The following GLB1 variants were observed in gnomAD, a reference collection of about 807,000 sequenced individuals.
GLB1 encodes the protein beta-galactosidase.
In GLB1, 56 loss-of-function variants were observed where a neutral mutation model predicts 74.0. The ratio of observed to expected loss-of-function variants is 0.76; its 90% CI spans 0.61 to 0.94. The LOEUF (loss-of-function observed/expected upper bound fraction) is 0.94. GLB1 is among the 40% of genes least tolerant of loss of function. The pLI, the probability that GLB1 is intolerant of heterozygous loss-of-function variation, is 0.00. For synonymous variants in GLB1, 323 were observed against 323.6 expected (o/e 1.00, Z 0.02); for missense variants, 787 against 845.5 (o/e 0.93, Z 0.86).
chr3:33,070,591 C>T (rs1313475195), intron 2 of GLB1, among the ~76,000 whole-genome samples: 3 of 152,194 alleles, frequency 2.0e-5, no homozygotes, highest in African/African-American at 7.2e-5. Flanking sequence ...CTTCTGTAAT[C>T]CCTGCACTCT....
In GLB1 at chr3:33,018,496, AGAGAGAGGTGCTGGGTTGCT is replaced by A; in HGVS notation, c.1279_1298del (p.Ser427PhefsTer23). On this transcript the variant is annotated frameshift_variant, in exon 13 of 16. Coordinates refer to ENST00000307363, the MANE Select transcript of GLB1 (RefSeq NM_000404.4). LOFTEE classifies it high-confidence loss of function. Reference sequence around the variant, plus strand: ...GATCGTGGACTCCATTGAGGGGTGAAGAGAGAGGTGCTGGGTTGCTGCAATCTTGAGGAAGTGTTGTCCGG... The same window carrying A: ...GATCGTGGACTCCATTGAGGGGTGAAGCAATCTTGAGGAAGTGTTGTCCGG... The A allele has an allele frequency of 6.2e-7, 1 of 1,614,024 alleles. No individual in the cohort carries two copies. The highest frequency in any genetic ancestry group is 8.5e-7 in the Non-Finnish European group (1 of 1,179,992).
chr3:33,014,049 C>T lies in GLB1; in HGVS notation c.1734+7G>A. 1 of 1,614,210 alleles carries T rather than the reference C, an allele frequency of 6.2e-7. No homozygotes were observed. The highest frequency in any genetic ancestry group is 1.6e-4 in the Middle Eastern group (1 of 6,062). ...TGAATTCAAACCCTTCCCATGAAGA[C>T]ACGTACCTTGGTCCATCCAGGAAAC... On this transcript the variant is annotated splice_region_variant and intron_variant, in intron 15 of 15. Transcript: ENST00000307363.
chr3:32,982,284 G>T, the GLB1 span, among the ~76,000 whole-genome samples: 1 of 144,408 alleles, frequency 6.9e-6, no homozygotes, highest in African/African-American at 2.6e-5. Context: ...TTGCACTCCA[G>T]CCTGGGCAAC....
chr3:33,042,104 T>C (rs1698525128), intron 10 of GLB1, among the ~76,000 whole-genome samples: 1 of 152,174 alleles, frequency 6.6e-6, no homozygotes, highest in African/African-American at 2.4e-5. Context: ...TAGTTCCTAC[T>C]ACCTTCATAA....
intron 1 of GLB1, among the ~76,000 whole-genome samples, chr3:33,078,931 A>G (rs1700225502): frequency 6.6e-6 from 1 of 151,864 alleles, no homozygotes; most frequent in Non-Finnish European, 1.5e-5. Flanking sequence ...GCAGTCTTGA[A>G]CTCCTGGGTT....
chr3:33,062,953 G>A (rs961789256), intron 5 of GLB1, among the ~76,000 whole-genome samples: 1 of 152,196 alleles, frequency 6.6e-6, no homozygotes, highest in African/African-American at 2.4e-5. Context: ...AGGCGTGGAA[G>A]GCCAGGAGAC....
At chr3:33,069,522 A>AT (rs1699816434) in intron 2 of GLB1, among the ~76,000 whole-genome samples, 1 of 152,130 alleles carries the variant, frequency 6.6e-6, no homozygotes, top group Non-Finnish European at 1.5e-5. Flanking sequence ...TCCAGGGGAG[A>AT]TATTTTGTTT....
At position 33,014,149 on chromosome 3, in the gene GLB1, C is replaced by A. The variant is rs370546368; in HGVS notation, c.1641G>T (p.Thr547=). 1.2e-6 allele frequency: 2 copies of A among 1,614,122 alleles called. No individual in the cohort carries two copies. Among genetic ancestry groups the A allele is most frequent in the Non-Finnish European group, 1.7e-6 (2 of 1,180,034 alleles). Residue 547 remains threonine (T), a synonymous_variant, in exon 15 of 16, where the codon ACG becomes ACT. Coordinates refer to ENST00000307363, the MANE Select transcript of GLB1 (RefSeq NM_000404.4). The stretch of plus-strand genomic sequence containing the variant: ...AGTTCCCCATATAAAAGGCCGGGAG[C>A]GTGTAGTTGGATGAGTTGTGGGCCC... ...EAWAHNSSNY[T]LPAFYMGNFS... is the part of the protein sequence containing the mutation.
chr3:33,001,843 T>C (rs950877050), intron 15 of GLB1, among the ~76,000 whole-genome samples: 1 of 152,220 alleles, frequency 6.6e-6, no homozygotes, highest in African/African-American at 2.4e-5. Context: ...TTTTAAAGAA[T>C]ATTGTTCACT....
the GLB1 span, among the ~76,000 whole-genome samples, chr3:32,989,028 C>A: frequency 6.6e-6 from 1 of 152,166 alleles, no homozygotes; most frequent in Non-Finnish European, 1.5e-5. Context: ...AGCACAGTGA[C>A]CTCTGGTCCA....
At chr3:32,969,986 TG>T in the GLB1 span, among the ~76,000 whole-genome samples, 1 of 152,198 alleles carries the variant, frequency 6.6e-6, no homozygotes, top group Non-Finnish European at 1.5e-5. Context: ...TATCAGTACA[TG>T]TTGGTGTTCA....
intron 2 of GLB1, 68 bp downstream of exon 2, chr3:33,072,476 T>C (rs1699919960): frequency 1.9e-6 from 3 of 1,604,918 alleles, no homozygotes; most frequent in African/African-American, 1.3e-5. Context: ...CCCTGAGAAA[T>C]ACAGTTGTAT....
At chr3:33,004,438 A>G (rs778278045) in intron 15 of GLB1, among the ~76,000 whole-genome samples, 4 of 152,250 alleles carry the variant, frequency 2.6e-5, no homozygotes, top group African/African-American at 4.8e-5. Context: ...ACTGATACAC[A>G]TCTCCATGGT....
intron 15 of GLB1, among the ~76,000 whole-genome samples, chr3:32,999,630 A>T (rs897657624): frequency 1.3e-5 from 2 of 152,074 alleles, no homozygotes; most frequent in Admixed American, 1.3e-4. Flanking sequence ...CGTTGGTCAG[A>T]AGAGGCCCTT....
At position 33,065,226 on chromosome 3, in the gene GLB1, T is replaced by C. The variant is rs577301978; in HGVS notation, c.552+237A>G. Among the ~76,000 whole-genome samples the C allele has an allele frequency of 5.3e-5, 8 of 151,996 alleles. 1 individual carries two copies. In the East Asian group the frequency reaches 5.8e-4, roughly 11 times the overall value. On this transcript the variant is annotated intron_variant, in intron 5 of 15. Coordinates refer to ENST00000307363, the MANE Select transcript of GLB1 (RefSeq NM_000404.4). ...AAACTTCCTCACTGAAAAAAGAAGG[T>C]GGTTGGAAGAATTGAATAGCATTTA...
intron 7 of GLB1, among the ~76,000 whole-genome samples, chr3:33,053,027 T>G (rs143838511): frequency 6.6e-6 from 1 of 152,138 alleles, no homozygotes; most frequent in Non-Finnish European, 1.5e-5. Context: ...ACAACAAGAA[T>G]AGCAACTTCA....
At chr3:33,056,126 G>C (rs968510509) in intron 6 of GLB1, among the ~76,000 whole-genome samples, 2 of 150,244 alleles carry the variant, frequency 1.3e-5, no homozygotes, top group African/African-American at 4.9e-5. Context: ...TACTTGGGAG[G>C]CTGAGGTAGG....
the GLB1 span, among the ~76,000 whole-genome samples, chr3:32,962,809 C>G: frequency 6.6e-6 from 1 of 151,758 alleles, no homozygotes; most frequent in African/African-American, 2.4e-5. Context: ...ACTATTCCAG[C>G]ACTAGGCCAG....
chr3:33,012,474 A>G lies in GLB1; in HGVS notation c.1734+1582T>C, dbSNP rs1697069140. 1.3e-5 allele frequency among the ~76,000 whole-genome samples: 2 copies of G among 152,194 alleles called. 1 individual carries two copies. Among genetic ancestry groups the G allele is most frequent in the Non-Finnish European group, 2.9e-5 (2 of 68,038 alleles). ...TTTGCCCCTTCAGCCATGTAAGGAC[A>G]TAGAGGGTGCTGTCTATGATGAAGT... On this transcript the variant is annotated intron_variant, in intron 15 of 15. Coordinates refer to ENST00000307363, the MANE Select transcript of GLB1 (RefSeq NM_000404.4).
Sources: allele counts gnomAD v4.1 joint callset (sites outside exome capture counted in the v4.1 genomes callset), GRCh38; gene constraint gnomAD v4.1.1; transcripts MANE v1.5; gene names NCBI Gene and HGNC (gene_info 2026-07-23, HGNC 2026-07-21).